Variants in BDNF observed in about 807,000 individuals in gnomAD.
BDNF encodes brain derived neurotrophic factor.
A neutral mutation model predicts 19.5 loss-of-function variants in BDNF; 1 was observed. The ratio of observed to expected loss-of-function variants is 0.05; its 90% CI spans 0.02 to 0.24. BDNF has a LOEUF of 0.24. Ranked by LOEUF, BDNF falls within the 10% of genes least tolerant of loss-of-function variation. The pLI is 1.00. For missense variants in BDNF, 195 were observed against 317.6 expected, an observed-to-expected ratio of 0.61 and a Z score of 2.93; for synonymous variants, 100 against 121.6, an observed-to-expected ratio of 0.82 and a Z score of 1.17.
intron 1 of BDNF, chr11:27,719,530 C>T (rs1860665056): frequency 8.1e-6 from 8 of 985,428 alleles, no homozygotes; most frequent in Non-Finnish European, 9.6e-6. Flanking sequence ...GTGAGGCATC[C>T]GGCCCGGCTG....
chr11:27,667,277 T>A (rs1363409978), intron 1 of BDNF, among the ~76,000 whole-genome samples: 2 of 151,926 alleles, frequency 1.3e-5, no homozygotes, highest in African/African-American at 4.8e-5. Context: ...GCACTAAACA[T>A]GGAAAGGAAC....
In BDNF at chr11:27,720,608, A is replaced by C. The variant is rs1055602431; in HGVS notation, c.3+804T>G. 4.1e-6 allele frequency: 4 copies of C among 985,610 alleles called. No homozygotes were observed. In the East Asian group the frequency reaches 4.6e-4, roughly 112 times the overall value. The allele number at this position is 985,610 out of a possible 1,614,324, so 61.1% of individuals were successfully genotyped here. ...AGAAAAGACGCTTTTTAAGGGCGAC[A>C]CAGGGTTGGCTTTACAGCGGGGCCA... On this transcript the variant is annotated intron_variant, in intron 1 of 1. Transcript: ENST00000314915.
At position 27,710,640 on chromosome 11, in the gene BDNF, T is replaced by C. The variant is rs745717074; in HGVS notation, c.3+10772A>G. 2.4e-4 allele frequency among the ~76,000 whole-genome samples: 37 copies of C among 152,236 alleles called. 1 individual carries two copies. The highest frequency in any genetic ancestry group is 4.4e-4 in the Non-Finnish European group (30 of 68,040). ...TTTTAGACTGTGCTTGTCCATCCTC[T>C]TCTTCTCCATATCTGTAAACAACAT... On this transcript the variant is annotated intron_variant, in intron 1 of 1. Transcript: ENST00000314915.
chr11:27,655,153 A>G lies in BDNF; in HGVS notation c.*2668T>C, dbSNP rs980944675. The G allele has an allele frequency of 9.2e-5, 14 of 152,382 alleles. No individual in the cohort carries two copies. The highest frequency in any genetic ancestry group is 1.8e-4 in the Non-Finnish European group (12 of 68,032). The allele number at this position is 152,382 out of a possible 1,614,324, so 9.4% of individuals were successfully genotyped here. On this transcript the variant is annotated 3_prime_UTR_variant, in exon 2 of 2. Transcript: ENST00000356660. ...CCACAGACATTTACTTACATTTTCA[A>G]TGGGAATCGCCATAAAAAAGCAACA...
chr11:27,700,037 C>A (rs1859719598), intron 1 of BDNF, 127 bp downstream of exon 1: 1 of 895,976 alleles, frequency 1.1e-6, no homozygotes, highest in South Asian at 5.1e-5. Context: ...ATCGTCCCTT[C>A]TACCGGAGGG....
chr11:27,674,123 A>G, intron 1 of BDNF: 3 of 1,612,216 alleles, frequency 1.9e-6, no homozygotes, highest in Non-Finnish European at 2.5e-6. Flanking sequence ...GGTACACAGC[A>G]CAGCCCTTCT....
chr11:27,697,927 G>C (rs1470042030), intron 1 of BDNF: 1 of 152,074 alleles, frequency 6.6e-6, no homozygotes, highest in Non-Finnish European at 1.5e-5. Context: ...TGTTTATCTG[G>C]AAATCATTTC....
chr11:27,679,138 G>T (rs1402245244), intron 1 of BDNF, among the ~76,000 whole-genome samples: 1 of 152,196 alleles, frequency 6.6e-6, no homozygotes, highest in African/African-American at 2.4e-5. Flanking sequence ...AGTCTGATGG[G>T]TGTCATGCAC....
At chr11:27,668,635 C>T (rs1307426677) in intron 1 of BDNF, among the ~76,000 whole-genome samples, 1 of 152,164 alleles carries the variant, frequency 6.6e-6, no homozygotes, top group African/African-American at 2.4e-5. Flanking sequence ...ATAAACACTT[C>T]TATGCAAATA....
At chr11:27,721,290 C>A (rs752226814) in intron 1 of BDNF, 2 of 1,158,298 alleles carry the variant, frequency 1.7e-6, no homozygotes, top group Non-Finnish European at 2.6e-6. Flanking sequence ...AAACCCGATT[C>A]CCCTGGCCTG....
At position 27,677,354 on chromosome 11, in the gene BDNF, A is replaced by G. The variant is rs746214225; in HGVS notation, c.-21-18769T>C. 2 of 152,242 alleles carry G rather than the reference A, an allele frequency of 1.3e-5. No homozygotes were observed. The highest frequency in any genetic ancestry group is 2.9e-5 in the Non-Finnish European group (2 of 68,048). 9.4% of individuals were successfully genotyped at this position (152,242 alleles called of 1,614,324 possible). On this transcript the variant is annotated intron_variant, in intron 1 of 1. Transcript: ENST00000356660. The stretch of plus-strand genomic sequence containing the variant: ...GGGAATAATTGACAGATATAGGTGC[A>G]TATGTACAAAATGATGGAAAGCTCT...
chr11:27,718,471 G>A (rs1370054213), intron 1 of BDNF, among the ~76,000 whole-genome samples: 1 of 151,084 alleles, frequency 6.6e-6, no homozygotes, highest in African/African-American at 2.4e-5. Context: ...GGTGATGCGG[G>A]CGCCTTGGAG....
intron 1 of BDNF, among the ~76,000 whole-genome samples, chr11:27,715,411 G>T (rs1006187751): frequency 2.6e-5 from 4 of 152,068 alleles, no homozygotes; most frequent in Non-Finnish European, 5.9e-5. Context: ...CTTGGCTTTG[G>T]TTCTTCTTAT....
intron 1 of BDNF, among the ~76,000 whole-genome samples, chr11:27,699,836 A>G (rs1316554562): frequency 6.6e-6 from 1 of 151,616 alleles, no homozygotes; most frequent in African/African-American, 2.4e-5. Flanking sequence ...TCTCTCGACT[A>G]CTCCTGGGCT....
chr11:27,700,395 A>C lies in BDNF; in HGVS notation c.-253T>G. The C allele has an allele frequency of 1.0e-6, 1 of 985,834 alleles. No individual in the cohort carries two copies. Among genetic ancestry groups the C allele is most frequent in the Non-Finnish European group, 1.2e-6 (1 of 830,296 alleles). 61.1% of individuals were successfully genotyped at this position (985,834 alleles called of 1,614,324 possible). On this transcript the variant is annotated 5_prime_UTR_variant, in exon 1 of 2. Transcript: ENST00000356660. ...GCGCTACGGGGTGCGCGGGACAGCG[A>C]GCGGGCGGGTGCGCCCGGGCGCGGC... is the stretch of plus-strand genomic sequence containing the variant.
chr11:27,662,220 A>G (rs1853571908), intron 1 of BDNF, among the ~76,000 whole-genome samples: 1 of 152,004 alleles, frequency 6.6e-6, no homozygotes, highest in South Asian at 2.1e-4. Flanking sequence ...GAGCTGGCCT[A>G]CTCACTTGTT....
rs1048241 is a variant in BDNF at position 27,657,528 on chromosome 11, T to G, written c.*293A>C. The G allele has an allele frequency of 8.7e-7, 1 of 1,151,508 alleles. No homozygotes were observed. The highest frequency in any genetic ancestry group is 1.1e-6 in the Non-Finnish European group (1 of 933,460). 71.3% of individuals were successfully genotyped at this position (1,151,508 alleles called of 1,614,324 possible). On this transcript the variant is annotated 3_prime_UTR_variant, in exon 2 of 2. Transcript: ENST00000356660. This position sits in a 1 kb window ranked among gnomAD's most constrained non-coding sequence, Gnocchi z 5.0. ...ATTCACAATTAAAGCAGCATGCAAT[T>G]TATTATTTTTTTTAACTTTTTATGT... is the stretch of plus-strand genomic sequence containing the variant.
At chr11:27,664,378 C>T (rs774718484) in intron 1 of BDNF, among the ~76,000 whole-genome samples, 3 of 151,876 alleles carry the variant, frequency 2.0e-5, no homozygotes, top group South Asian at 2.1e-4. Flanking sequence ...GTAGGACATA[C>T]GTAACTAGAA....
At chr11:27,694,586 C>CT (rs34321446) in intron 1 of BDNF, among the ~76,000 whole-genome samples, 1,364 of 123,524 alleles carry the variant, frequency 0.011, 24 homozygotes, top group African/African-American at 0.037. Context: ...GGTTCCATAA[C>CT]TTTTTTTTTT....
Sources: gnomAD v4.1 joint callset for allele counts (sites outside exome capture counted in the v4.1 genomes callset) on GRCh38, gnomAD v4.1.1 for gene constraint, Gnocchi (gnomAD v3.1) non-coding constraint, MANE v1.5 for transcripts, NCBI Gene and HGNC (gene_info 2026-07-23, HGNC 2026-07-21) for gene names.